Variants in MALRD1 observed in about 807,000 individuals in gnomAD.
The protein encoded by MALRD1 is MAM and LDL receptor class A domain containing 1.
A neutral mutation model predicts 242.1 loss-of-function variants in MALRD1; 247 were observed. The observed-to-expected ratio is 1.02, with a 90% CI of 0.92 to 1.13. The LOEUF (loss-of-function observed/expected upper bound fraction) is 1.13, where lower values mean the gene tolerates loss of function less well. MALRD1 is among the 50% of genes most tolerant of loss of function. The probability of loss-of-function intolerance (pLI) is 0.00; values close to 1 mark genes in which losing one functional copy is unlikely to be tolerated. For missense variants in MALRD1, 2,989 were observed against 2,533.1 expected (o/e 1.18, Z -3.86); for synonymous variants, 995 against 866.6 (o/e 1.15, Z -2.60).
At chr10:19,411,961 A>C (rs1833292688) in intron 28 of MALRD1, among the ~76,000 whole-genome samples, 1 of 152,238 alleles carries the variant, frequency 6.6e-6, no homozygotes, top group African/African-American at 2.4e-5. Flanking sequence ...TCATATCTTT[A>C]CATTGATCAT....
chr10:19,306,131 AG>A (rs1842180817), intron 21 of MALRD1, among the ~76,000 whole-genome samples: 1 of 99,218 alleles, frequency 1.0e-5, no homozygotes, highest in African/African-American at 3.9e-5. Context: ...TAGTATATAT[AG>A]TATAGTATAT....
At chr10:19,389,102 T>A (rs1846219862) in intron 27 of MALRD1, 2 of 366,778 alleles carry the variant, frequency 5.5e-6, no homozygotes, top group South Asian at 4.2e-5. Flanking sequence ...TATCACTCTT[T>A]TTTTTAGATT....
intron 18 of MALRD1, among the ~76,000 whole-genome samples, chr10:19,235,600 GAGAGAGA>G (rs1838282119): frequency 6.6e-6 from 1 of 151,190 alleles, no homozygotes; most frequent in Admixed American, 6.6e-5. Context: ...GAGAGAGAGA[GAGAGAGA>G]GAGAGAGCGC....
At chr10:19,215,412 T>C (rs188251109) in intron 18 of MALRD1, among the ~76,000 whole-genome samples, 2 of 152,310 alleles carry the variant, frequency 1.3e-5, no homozygotes, top group East Asian at 3.9e-4. Flanking sequence ...ACAAGGTTAA[T>C]TTTTTTCCTT....
Position 19,734,244 on chromosome 10 carries a change from C to T in MALRD1, c.*7C>T, listed in dbSNP as rs1306833389. 7.8e-6 allele frequency: 12 copies of T among 1,532,114 alleles called. No individual in the cohort carries two copies. The highest frequency in any genetic ancestry group is 2.4e-5 in the South Asian group (2 of 83,884). The allele number at this position is 1,532,114 out of a possible 1,614,324, so 94.9% of individuals were successfully genotyped here. A position where few individuals can be genotyped will look rare whatever the true frequency, so the allele number is the denominator to read the frequency against. On this transcript the variant is annotated 3_prime_UTR_variant, in exon 40 of 40. Transcript: ENST00000454679. ...GTCACATCATCTCAAATAGCAGCAT[C>T]GAGACCAAGTCTGATCCAACATGTG...
chr10:19,103,104 C>T (rs1317318134), intron 4 of MALRD1, among the ~76,000 whole-genome samples: 1 of 151,978 alleles, frequency 6.6e-6, no homozygotes, highest in Non-Finnish European at 1.5e-5. Context: ...CTGCCTCAGC[C>T]TCCCAAAGTG....
intron 32 of MALRD1, among the ~76,000 whole-genome samples, chr10:19,550,502 A>G (rs1310068389): frequency 6.6e-6 from 1 of 151,502 alleles, no homozygotes; most frequent in Non-Finnish European, 1.5e-5. Flanking sequence ...TCCAACCTCC[A>G]CCCTCCAATA....
chr10:19,217,481 T>G (rs1392604291), intron 18 of MALRD1, among the ~76,000 whole-genome samples: 1 of 151,796 alleles, frequency 6.6e-6, no homozygotes, highest in Non-Finnish European at 1.5e-5. Context: ...CCTTTGGGGA[T>G]TAGCTGCTCA....
chr10:19,703,440 T>C (rs1325925769), intron 38 of MALRD1, among the ~76,000 whole-genome samples: 1 of 152,190 alleles, frequency 6.6e-6, no homozygotes, highest in African/African-American at 2.4e-5. Flanking sequence ...TCATGAAAGA[T>C]CTCTGAAAGC....
At chr10:19,459,955 C>A (rs1930508) in intron 29 of MALRD1, among the ~76,000 whole-genome samples, 2 of 151,814 alleles carry the variant, frequency 1.3e-5, no homozygotes, top group South Asian at 4.1e-4. Flanking sequence ...AACTGTAAAT[C>A]TGAATGTTAA....
intron 16 of MALRD1, 104 bp downstream of exon 16, chr10:19,204,517 G>A: frequency 1.4e-6 from 1 of 727,404 alleles, no homozygotes. Context: ...GTTTACTGCT[G>A]GTTTTACTCT....
At chr10:19,696,496 A>G (rs1833383707) in intron 38 of MALRD1, among the ~76,000 whole-genome samples, 1 of 152,144 alleles carries the variant, frequency 6.6e-6, no homozygotes, top group Non-Finnish European at 1.5e-5. Flanking sequence ...TTCTCTTCAG[A>G]TCTTCAGCCT....
At chr10:19,707,240 C>CCTTCTT (rs1355659044) in intron 38 of MALRD1, among the ~76,000 whole-genome samples, 10 of 152,130 alleles carry the variant, frequency 6.6e-5, no homozygotes, top group African/African-American at 2.4e-4. Flanking sequence ...TCCTCCTTCT[C>CCTTCTT]CTTCTTCTTT....
chr10:19,694,082 G>C (rs1287730191), intron 38 of MALRD1, among the ~76,000 whole-genome samples: 1 of 152,050 alleles, frequency 6.6e-6, no homozygotes, highest in East Asian at 1.9e-4. Context: ...AATTCAAGAT[G>C]GATTAAAGAC....
At chr10:19,125,157 G>T (rs1837213368) in intron 7 of MALRD1, among the ~76,000 whole-genome samples, 1 of 151,658 alleles carries the variant, frequency 6.6e-6, no homozygotes, top group South Asian at 2.1e-4. Context: ...TGTTGGCCAG[G>T]CTGGTATCAA....
At chr10:19,363,131 A>T (rs1465413327) in intron 26 of MALRD1, among the ~76,000 whole-genome samples, 1 of 152,104 alleles carries the variant, frequency 6.6e-6, no homozygotes, top group Non-Finnish European at 1.5e-5. Context: ...GCTTTGAGGG[A>T]GGCCTGAGAG....
Position 19,728,366 on chromosome 10 carries a change from A to G in MALRD1, c.6315-2340A>G, listed in dbSNP as rs1589451298. ...CCCTTTCAGAAGACAAGTAGCTTCA[A>G]TAATTGAATTAACAGAGCTGAGAAT... On this transcript the variant is annotated intron_variant, in intron 38 of 39. Coordinates refer to ENST00000454679, the MANE Select transcript of MALRD1 (RefSeq NM_001142308.3). The G allele has an allele frequency of 2.0e-5, 3 of 152,222 alleles. No individual in the cohort carries two copies. The South Asian group carries it at 6.2e-4, about 31-fold the overall frequency. 9.4% of individuals were successfully genotyped at this position (152,222 alleles called of 1,614,324 possible). A position where few individuals can be genotyped will look rare whatever the true frequency, so the allele number is the denominator to read the frequency against.
At chr10:19,095,300 T>G (rs1835986222) in intron 4 of MALRD1, among the ~76,000 whole-genome samples, 1 of 152,128 alleles carries the variant, frequency 6.6e-6, no homozygotes, top group Admixed American at 6.5e-5. Flanking sequence ...AATTTGGAAT[T>G]TTCAGGCTTC....
Position 19,205,214 on chromosome 10 carries a change from T to G in MALRD1, c.2527T>G (p.Leu843Val). The G allele has an allele frequency of 6.4e-7, 1 of 1,550,986 alleles. No homozygotes were observed. Among genetic ancestry groups the G allele is most frequent in the African/African-American group, 1.4e-5 (1 of 73,122 alleles). Residue 843 changes from leucine (L) to valine (V), a missense_variant, in exon 17 of 40, where the codon TTA becomes GTA. Transcript: ENST00000454679. Reference sequence around the variant, plus strand: ...CAGGGCTTGCATAGAAAAGCTTCGGTTATGTGATCTGGTGGATGACTGTGG... The same window carrying G: ...CAGGGCTTGCATAGAAAAGCTTCGGGTATGTGATCTGGTGGATGACTGTGG... ...HTRACIEKLR[L>V]CDLVDDCGDR...
Sources: allele counts gnomAD v4.1 joint callset (sites outside exome capture counted in the v4.1 genomes callset), GRCh38; gene constraint gnomAD v4.1.1; transcripts MANE v1.5; gene names NCBI Gene and HGNC (gene_info 2026-07-23, HGNC 2026-07-21).